PTPRT: variants seen among roughly 807,000 people sequenced by gnomAD.
PTPRT encodes protein tyrosine phosphatase receptor type T.
A neutral mutation model predicts 176.8 loss-of-function variants in PTPRT; 56 were observed. The observed-to-expected ratio is 0.32, with a 90% confidence interval of 0.26 to 0.40. The LOEUF (loss-of-function observed/expected upper bound fraction) is 0.40, where lower values mean the gene tolerates loss of function less well. Among genes scored for constraint, PTPRT ranks in the 10% least tolerant of loss-of-function variants. The pLI is 1.00. For missense variants in PTPRT, 1,540 were observed against 1,908.2 expected (o/e 0.81, Z 3.60); for synonymous variants, 783 against 739.0 (o/e 1.06, Z -0.96).
chr20:42,150,314 C>T (rs1194505430), intron 17 of PTPRT, among the ~76,000 whole-genome samples: 1 of 152,230 alleles, frequency 6.6e-6, no homozygotes, highest in Non-Finnish European at 1.5e-5. Context: ...CCCCCCTTCA[C>T]TCTCCTTTGC....
Position 42,438,946 on chromosome 20 carries a change from C to T in PTPRT, c.1560+9274G>A, listed in dbSNP as rs1012143532. 1.1e-4 allele frequency among the ~76,000 whole-genome samples: 17 copies of T among 152,330 alleles called. No individual in the cohort carries two copies. The South Asian group carries it at 2.5e-3, about 22-fold the overall frequency. The stretch of plus-strand genomic sequence containing the variant: ...AAGTGGATGACCAGCAGCTCTAATG[C>T]GACCAGGTACATAAATGCAAGTCAC... On this transcript the variant is annotated intron_variant, in intron 9 of 30. Transcript: ENST00000373187.
At chr20:42,910,645 C>G (rs147112931) in intron 1 of PTPRT, among the ~76,000 whole-genome samples, 1 of 152,140 alleles carries the variant, frequency 6.6e-6, no homozygotes, top group African/African-American at 2.4e-5. Flanking sequence ...CTAGGGAACC[C>G]CTTTTTCTCC....
At chr20:43,144,738 AT>A (rs1238214168) in intron 1 of PTPRT, among the ~76,000 whole-genome samples, 2 of 152,104 alleles carry the variant, frequency 1.3e-5, no homozygotes, top group Non-Finnish European at 2.9e-5. Context: ...TCTAAAATGG[AT>A]TGTGATGATG....
intron 15 of PTPRT, among the ~76,000 whole-genome samples, chr20:42,231,811 G>A (rs2146837572): frequency 6.6e-6 from 1 of 152,202 alleles, no homozygotes; most frequent in East Asian, 1.9e-4. Context: ...GAACACAAGG[G>A]TTTGTAAAGC....
chr20:42,248,582 A>G, intron 14 of PTPRT, 105 bp downstream of exon 14: 2 of 1,409,194 alleles, frequency 1.4e-6, no homozygotes, highest in Non-Finnish European at 1.9e-6. Flanking sequence ...GTTATAACAG[A>G]AGATCCCTGC....
intron 1 of PTPRT, among the ~76,000 whole-genome samples, chr20:43,149,233 T>C (rs1335277278): frequency 1.3e-5 from 2 of 152,222 alleles, no homozygotes; most frequent in African/African-American, 2.4e-5. Context: ...CCCTGTGCAT[T>C]ATGTTTTAAT....
At chr20:42,426,398 G>A (rs2059164361) in intron 9 of PTPRT, among the ~76,000 whole-genome samples, 1 of 152,016 alleles carries the variant, frequency 6.6e-6, no homozygotes, top group Non-Finnish European at 1.5e-5. Flanking sequence ...AAAATCCAGG[G>A]GAAGGTCATC....
intron 1 of PTPRT, among the ~76,000 whole-genome samples, chr20:43,188,174 C>T (rs1374851029): frequency 1.3e-5 from 2 of 152,094 alleles, no homozygotes; most frequent in East Asian, 1.9e-4. Flanking sequence ...TCCCTAGTAC[C>T]CCTCCCTCCC....
At chr20:42,790,436 A>G (rs1265202822) in intron 3 of PTPRT, among the ~76,000 whole-genome samples, 4 of 151,822 alleles carry the variant, frequency 2.6e-5, no homozygotes, top group African/African-American at 9.7e-5. Flanking sequence ...TTATAAGAGT[A>G]TTGCTCCACA....
chr20:42,323,996 A>T (rs529282902), intron 11 of PTPRT, among the ~76,000 whole-genome samples: 40 of 152,268 alleles, frequency 2.6e-4, no homozygotes, highest in African/African-American at 8.7e-4. Flanking sequence ...AGTACCATTC[A>T]TCTAGTTATT....
chr20:42,498,789 C>T (rs1406084676), intron 7 of PTPRT, among the ~76,000 whole-genome samples: 3 of 152,178 alleles, frequency 2.0e-5, no homozygotes, highest in African/African-American at 7.2e-5. Flanking sequence ...TTCTTTCAAC[C>T]AATTGCCAAT....
At chr20:42,441,477 G>C (rs2059315363) in intron 9 of PTPRT, among the ~76,000 whole-genome samples, 1 of 152,248 alleles carries the variant, frequency 6.6e-6, no homozygotes, top group Non-Finnish European at 1.5e-5. Flanking sequence ...GAGGCAGCCA[G>C]TGCCAGATCC....
At chr20:42,394,038 A>G (rs1234703318) in intron 9 of PTPRT, among the ~76,000 whole-genome samples, 1 of 145,572 alleles carries the variant, frequency 6.9e-6, no homozygotes, top group Non-Finnish European at 1.5e-5. Context: ...AAGATGTGAC[A>G]GGTCTTTTTT....
chr20:42,420,455 GGA>G (rs143739738), intron 9 of PTPRT, among the ~76,000 whole-genome samples: 2 of 151,886 alleles, frequency 1.3e-5, no homozygotes, highest in African/African-American at 4.8e-5. Context: ...TAGAAAACCC[GGA>G]GAGAGAGAGA....
At chr20:42,952,209 C>G (rs1208789147) in intron 1 of PTPRT, among the ~76,000 whole-genome samples, 1 of 152,198 alleles carries the variant, frequency 6.6e-6, no homozygotes, top group Non-Finnish European at 1.5e-5. Flanking sequence ...ACACGTCATG[C>G]CACCATGGCT....
chr20:42,602,096 C>T (rs569792581), intron 7 of PTPRT, among the ~76,000 whole-genome samples: 53 of 152,320 alleles, frequency 3.5e-4, no homozygotes, highest in African/African-American at 1.3e-3. Context: ...ATCCCAATGT[C>T]GTTCATTCCC....
At chr20:42,623,296 C>A (rs2074232739) in intron 7 of PTPRT, among the ~76,000 whole-genome samples, 1 of 152,142 alleles carries the variant, frequency 6.6e-6, no homozygotes, top group South Asian at 2.1e-4. Flanking sequence ...AGACACCCAC[C>A]CTTAGAGACA....
At chr20:42,233,142 C>T (rs1425666973) in intron 15 of PTPRT, among the ~76,000 whole-genome samples, 5 of 152,176 alleles carry the variant, frequency 3.3e-5, no homozygotes, top group Admixed American at 1.3e-4. Flanking sequence ...GTTCTTGTCC[C>T]CTTTCTCCAG....
At chr20:42,957,238 G>A (rs1001664539) in intron 1 of PTPRT, among the ~76,000 whole-genome samples, 2 of 152,138 alleles carry the variant, frequency 1.3e-5, no homozygotes, top group African/African-American at 2.4e-5. Context: ...GCCAAAGGTC[G>A]AGTGGCAGTA....
Sources: gnomAD v4.1 joint callset for allele counts (sites outside exome capture counted in the v4.1 genomes callset) on GRCh38, gnomAD v4.1.1 for gene constraint, MANE v1.5 for transcripts, NCBI Gene and HGNC (gene_info 2026-07-23, HGNC 2026-07-21) for gene names.